Variants in HEPHL1 observed in about 807,000 individuals in gnomAD.
HEPHL1 encodes the protein hephaestin like 1, also known as ferroxidase HEPHL1.
HEPHL1 carries 123 observed loss-of-function variants against 122.0 expected under a neutral mutation model. The observed-to-expected ratio is 1.01, with a 90% CI of 0.87 to 1.17. The LOEUF (loss-of-function observed/expected upper bound fraction) is 1.17. Among genes scored for constraint, HEPHL1 ranks in the 50% most tolerant of loss-of-function variants. The pLI, the probability that HEPHL1 is intolerant of heterozygous loss-of-function variation, is 0.00. For missense variants in HEPHL1, 1,452 were observed against 1,430.5 expected (o/e 1.01, Z -0.24); for synonymous variants, 527 against 508.9 (o/e 1.04, Z -0.48).
intron 5 of HEPHL1, among the ~76,000 whole-genome samples, chr11:94,069,700 A>G (rs1211683134): frequency 6.6e-6 from 1 of 152,114 alleles, no homozygotes; most frequent in Non-Finnish European, 1.5e-5. Flanking sequence ...TCAATACTCT[A>G]TTGCTTAATG....
At chr11:94,055,206 G>A in intron 2 of HEPHL1, 1 of 264,472 alleles carries the variant, frequency 3.8e-6, no homozygotes, top group Non-Finnish European at 7.6e-6. Flanking sequence ...CCTTGGCAGA[G>A]ATGATGGCCA....
chr11:94,027,261 T>C (rs979421772), intron 1 of HEPHL1, among the ~76,000 whole-genome samples: 2 of 152,192 alleles, frequency 1.3e-5, no homozygotes, highest in African/African-American at 4.8e-5. Flanking sequence ...GATCTCCCCA[T>C]CTCAAGATCC....
chr11:94,030,913 C>G (rs1008031397), intron 1 of HEPHL1, among the ~76,000 whole-genome samples: 1 of 152,002 alleles, frequency 6.6e-6, no homozygotes, highest in African/African-American at 2.4e-5. Context: ...AGCCTCAATG[C>G]CTGAGAGGAG....
intron 2 of HEPHL1, among the ~76,000 whole-genome samples, chr11:94,050,107 A>T (rs939645815): frequency 6.6e-6 from 1 of 152,114 alleles, no homozygotes; most frequent in Non-Finnish European, 1.5e-5. Flanking sequence ...TGTTGATGTT[A>T]TGAATGGAAT....
At chr11:94,033,379 G>A (rs562860217) in intron 1 of HEPHL1, among the ~76,000 whole-genome samples, 50 of 152,294 alleles carry the variant, frequency 3.3e-4, no homozygotes, top group African/African-American at 1.2e-3. Context: ...TTTTCTCCCA[G>A]TAGTAAGATA....
In HEPHL1 at chr11:94,093,436, C is replaced by T. The variant is rs1267212409; in HGVS notation, c.2295-65C>T. 2.5e-6 allele frequency: 4 copies of T among 1,587,492 alleles called. No individual in the cohort carries two copies. In the East Asian group the frequency reaches 8.9e-5, roughly 36 times the overall value. ...ACTTCTCCAGAATACCCCTGAATCA[C>T]TTAGAAGCGCTCAAAGCTTTTCTGC... On this transcript the variant is annotated intron_variant, in intron 12 of 19. Transcript: ENST00000315765.
chr11:94,096,191 C>G (rs1946311734), intron 13 of HEPHL1, among the ~76,000 whole-genome samples: 1 of 152,102 alleles, frequency 6.6e-6, no homozygotes, highest in South Asian at 2.1e-4. Context: ...TGAGATACAT[C>G]CCATGAATAC....
intron 12 of HEPHL1, among the ~76,000 whole-genome samples, chr11:94,091,677 T>C (rs1371316754): frequency 6.6e-6 from 1 of 152,106 alleles, no homozygotes; most frequent in Non-Finnish European, 1.5e-5. Context: ...ACAGGAGATA[T>C]GGCAGAAGCA....
At chr11:94,091,762 A>G (rs1344322381) in intron 12 of HEPHL1, among the ~76,000 whole-genome samples, 1 of 152,164 alleles carries the variant, frequency 6.6e-6, no homozygotes, top group Admixed American at 6.5e-5. Context: ...GTAGTCTTTG[A>G]GTTGGGACAT....
intron 1 of HEPHL1, 68 bp from the exon 2 acceptor site, chr11:94,045,604 CT>C: frequency 1.5e-6 from 2 of 1,351,606 alleles, no homozygotes. Context: ...ACTTTATAAA[CT>C]CCTAGTGGTA....
intron 12 of HEPHL1, 108 bp from the exon 13 acceptor site, chr11:94,093,393 C>T: frequency 5.5e-6 from 7 of 1,272,360 alleles, no homozygotes; most frequent in South Asian, 3.8e-5. Flanking sequence ...CACTTGATCA[C>T]AGCCAGGTTT....
chr11:94,074,622 A>G (rs1946105037), intron 8 of HEPHL1, among the ~76,000 whole-genome samples: 1 of 152,132 alleles, frequency 6.6e-6, no homozygotes, highest in South Asian at 2.1e-4. Context: ...AGTACGGTGT[A>G]AGGGTTAAGT....
chr11:94,107,707 G>A (rs1946419636), intron 17 of HEPHL1, among the ~76,000 whole-genome samples: 1 of 152,156 alleles, frequency 6.6e-6, no homozygotes, highest in Non-Finnish European at 1.5e-5. Flanking sequence ...ATCTTGTTAT[G>A]TGTATCAGTG....
intron 8 of HEPHL1, among the ~76,000 whole-genome samples, chr11:94,074,902 C>T (rs771433042): frequency 6.6e-6 from 1 of 152,122 alleles, no homozygotes; most frequent in Non-Finnish European, 1.5e-5. Flanking sequence ...GAATGGGCCA[C>T]TATCAGTCTT....
At chr11:94,091,733 C>T (rs1045879667) in intron 12 of HEPHL1, among the ~76,000 whole-genome samples, 5 of 152,146 alleles carry the variant, frequency 3.3e-5, no homozygotes, top group Middle Eastern at 6.8e-3. Context: ...TGGTAGTCGG[C>T]GGGGGCTTCT....
At chr11:94,102,435 G>T (rs1175321670) in intron 14 of HEPHL1, among the ~76,000 whole-genome samples, 1 of 152,130 alleles carries the variant, frequency 6.6e-6, no homozygotes, top group Non-Finnish European at 1.5e-5. Flanking sequence ...CACTTGAGAA[G>T]CTTTTAAAAA....
intron 1 of HEPHL1, among the ~76,000 whole-genome samples, chr11:94,039,346 G>T (rs951990857): frequency 2.6e-5 from 4 of 151,982 alleles, no homozygotes; most frequent in African/African-American, 9.7e-5. Flanking sequence ...CCCAGGAATT[G>T]AACTCAGCTC....
Position 94,100,439 on chromosome 11 carries a change from C to G in HEPHL1, c.2435-756C>G, listed in dbSNP as rs79871192. On this transcript the variant is annotated intron_variant, in intron 13 of 19. Coordinates refer to ENST00000315765, the MANE Select transcript of HEPHL1 (RefSeq NM_001098672.2). Reference sequence around the variant, plus strand: ...GTCATGCTGCCACAGGCCCTCTGAGCCAGGTGTGGGCTCATCTCCATTGGC... The same window carrying G: ...GTCATGCTGCCACAGGCCCTCTGAGGCAGGTGTGGGCTCATCTCCATTGGC... Among the ~76,000 whole-genome samples the G allele has an allele frequency of 3.3e-3, 496 of 152,260 alleles. 26 individuals carry two copies. In the East Asian group the frequency reaches 0.076, roughly 23 times the overall value.
chr11:94,098,583 T>A (rs1389345129), intron 13 of HEPHL1, among the ~76,000 whole-genome samples: 1 of 152,228 alleles, frequency 6.6e-6, no homozygotes, highest in Non-Finnish European at 1.5e-5. Flanking sequence ...GGGGAAGTTC[T>A]CCTGGATAAT....
Sources: gnomAD v4.1 joint callset for allele counts (sites outside exome capture counted in the v4.1 genomes callset) on GRCh38, gnomAD v4.1.1 for gene constraint, MANE v1.5 for transcripts, NCBI Gene and HGNC (gene_info 2026-07-23, HGNC 2026-07-21) for gene names.